Variants in MCPH1 observed in about 807,000 individuals in gnomAD.
MCPH1 encodes microcephalin 1.
In MCPH1, 104 loss-of-function variants were observed where a neutral mutation model predicts 84.5. The observed-to-expected ratio is 1.23, with a 90% CI of 1.05 to 1.45. The LOEUF (loss-of-function observed/expected upper bound fraction) is 1.45, where lower values mean the gene tolerates loss of function less well. Among genes scored for constraint, MCPH1 ranks in the 40% most tolerant of loss-of-function variants. MCPH1 has a pLI of 0.00. For missense variants in MCPH1, 1,498 were observed against 1,005.7 expected (o/e 1.49, Z -6.62); for synonymous variants, 514 against 366.8 (o/e 1.40, Z -4.58).
At chr8:6,566,288 G>A (rs1027541844) in intron 12 of MCPH1, among the ~76,000 whole-genome samples, 1 of 152,230 alleles carries the variant, frequency 6.6e-6, no homozygotes, top group Non-Finnish European at 1.5e-5. Flanking sequence ...TGGTCTGTGG[G>A]GGTAGGAGGT....
At chr8:6,606,659 G>T (rs575992652) in intron 12 of MCPH1, among the ~76,000 whole-genome samples, 1 of 152,338 alleles carries the variant, frequency 6.6e-6, no homozygotes, top group Admixed American at 6.5e-5. Context: ...TATGTGAGAA[G>T]GTGTGGCATC....
chr8:6,568,181 G>A lies in MCPH1; in HGVS notation c.2215-53273G>A, dbSNP rs77120993. On this transcript the variant is annotated intron_variant, in intron 12 of 13. Transcript: ENST00000344683. ...AGTTTGCCCAGTTGGAGGCCCTAAG[G>A]CGCAAACAAGAAAAGCCAAAGGGCC... Among the ~76,000 whole-genome samples the A allele has an allele frequency of 7.3e-4, 111 of 152,244 alleles. 1 individual carries two copies. In the East Asian group the frequency reaches 0.02, roughly 27 times the overall value.
chr8:6,444,871 GAGGCTGCAGCTGTGCAGGTCGGAAGAC>G lies in MCPH1; in HGVS notation c.1160_1186del (p.Leu387_Gln395del). 1 of 1,614,198 alleles carries G rather than the reference GAGGCTGCAGCTGTGCAGGTCGGAAGAC, an allele frequency of 6.2e-7. No homozygotes were observed. Among genetic ancestry groups the G allele is most frequent in the Non-Finnish European group, 8.5e-7 (1 of 1,180,038 alleles). Reference sequence around the variant, plus strand: ...GGAGCACCAGGAGATCTATCATGCCGAGGCTGCAGCTGTGCAGGTCGGAAGACAGGCTGCAGCACGTGGCGGGACCTG... The same window carrying G: ...GGAGCACCAGGAGATCTATCATGCCGAGGCTGCAGCACGTGGCGGGACCTG... On this transcript the variant is annotated inframe_deletion, in exon 8 of 14. Coordinates refer to ENST00000344683, the MANE Select transcript of MCPH1 (RefSeq NM_024596.5).
At chr8:6,532,080 A>G (rs893288121) in intron 12 of MCPH1, among the ~76,000 whole-genome samples, 1 of 152,238 alleles carries the variant, frequency 6.6e-6, no homozygotes, top group Non-Finnish European at 1.5e-5. Context: ...GATGCGTGGC[A>G]TGAAAATGAC....
At chr8:6,529,623 A>ATTTTTTTTTT (rs35322987) in intron 12 of MCPH1, among the ~76,000 whole-genome samples, 1 of 120,976 alleles carries the variant, frequency 8.3e-6, no homozygotes, top group Non-Finnish European at 1.7e-5. Flanking sequence ...CGCCTGGCTA[A>ATTTTTTTTTT]TTTTTTTTTT....
intron 9 of MCPH1, among the ~76,000 whole-genome samples, chr8:6,462,224 A>G (rs1563242934): frequency 6.6e-6 from 1 of 152,258 alleles, no homozygotes; most frequent in African/African-American, 2.4e-5. Context: ...AAGTTTCTCA[A>G]ATAGGGTGCA....
intron 12 of MCPH1, among the ~76,000 whole-genome samples, chr8:6,593,619 G>T (rs1586739005): frequency 6.6e-6 from 1 of 152,198 alleles, no homozygotes; most frequent in Admixed American, 6.5e-5. Context: ...CTCCCAAAGT[G>T]TTGGGATTAT....
chr8:6,501,958 A>T (rs565817663), intron 12 of MCPH1: 1 of 151,390 alleles, frequency 6.6e-6, no homozygotes, highest in Non-Finnish European at 1.5e-5. Context: ...GCTGATTGAC[A>T]TAAAAAAACT....
intron 12 of MCPH1, among the ~76,000 whole-genome samples, chr8:6,542,887 T>C (rs759098392): frequency 4.6e-5 from 7 of 152,224 alleles, no homozygotes. Context: ...GAAACTTAGA[T>C]GATTTTCTAA....
chr8:6,551,021 C>T (rs996786832), intron 12 of MCPH1, among the ~76,000 whole-genome samples: 3 of 152,188 alleles, frequency 2.0e-5, no homozygotes, highest in African/African-American at 7.2e-5. Flanking sequence ...TTGAAACCAA[C>T]AAGTGAAGGC....
chr8:6,555,490 C>T (rs1380435274), intron 12 of MCPH1, among the ~76,000 whole-genome samples: 1 of 146,470 alleles, frequency 6.8e-6, no homozygotes, highest in Non-Finnish European at 1.5e-5. Flanking sequence ...GAGACAGGAT[C>T]TCACTGCGTA....
chr8:6,476,915 G>A (rs1808537896), intron 9 of MCPH1, among the ~76,000 whole-genome samples: 1 of 152,100 alleles, frequency 6.6e-6, no homozygotes, highest in South Asian at 2.1e-4. Context: ...TGAATATACT[G>A]CCAAATTGTT....
intron 3 of MCPH1, among the ~76,000 whole-genome samples, chr8:6,427,404 C>G (rs73516751): frequency 0.029 from 4,410 of 152,200 alleles, 194 homozygotes; most frequent in East Asian, 0.16. Context: ...CAAGGTCTTG[C>G]TTTGTCTCCC....
chr8:6,632,993 G>A (rs1342007934), intron 13 of MCPH1, among the ~76,000 whole-genome samples: 1 of 150,804 alleles, frequency 6.6e-6, no homozygotes, highest in African/African-American at 2.4e-5. Flanking sequence ...TTAAAAAGCA[G>A]TAGGGAAGAT....
chr8:6,427,603 C>G (rs1464755783), intron 3 of MCPH1, among the ~76,000 whole-genome samples: 1 of 152,012 alleles, frequency 6.6e-6, no homozygotes, highest in Non-Finnish European at 1.5e-5. Context: ...TAGTCTCCAA[C>G]TCCTGACCTC....
chr8:6,609,819 G>GCCCCCCCCCCCCCCCCCCCC (rs11280683), intron 12 of MCPH1, among the ~76,000 whole-genome samples: 1 of 104,020 alleles, frequency 9.6e-6, no homozygotes, highest in Admixed American at 9.4e-5. Flanking sequence ...AATGCCCCCC[G>GCCCCCCCCCCCCCCCCCCCC]CCCCCCCCCC....
At chr8:6,518,632 G>A (rs2916672) in intron 12 of MCPH1, among the ~76,000 whole-genome samples, 63 of 152,146 alleles carry the variant, frequency 4.1e-4, no homozygotes, top group African/African-American at 1.5e-3. Flanking sequence ...CTTTGATACT[G>A]TTTTAAATAC....
intron 11 of MCPH1, among the ~76,000 whole-genome samples, chr8:6,488,440 G>C (rs1383653379): frequency 2.0e-5 from 3 of 152,228 alleles, no homozygotes; most frequent in Non-Finnish European, 4.4e-5. Context: ...AAGAGTCAAA[G>C]TGATTTTTTT....
intron 6 of MCPH1, among the ~76,000 whole-genome samples, chr8:6,441,155 T>G (rs1418161914): frequency 6.6e-6 from 1 of 152,246 alleles, no homozygotes; most frequent in African/African-American, 2.4e-5. Flanking sequence ...GCTGTCCTGA[T>G]AAAATCAAAG....
Sources: allele counts gnomAD v4.1 joint callset (sites outside exome capture counted in the v4.1 genomes callset), GRCh38; gene constraint gnomAD v4.1.1; transcripts MANE v1.5; gene names NCBI Gene and HGNC (gene_info 2026-07-23, HGNC 2026-07-21).